Variants in ZFHX3 observed in about 807,000 individuals in gnomAD.
ZFHX3 encodes the protein zinc finger homeobox 3, also known as zinc finger homeobox protein 3.
In ZFHX3, 42 loss-of-function variants were observed where a neutral mutation model predicts 279.1. The ratio of observed to expected loss-of-function variants is 0.15; its 90% CI spans 0.12 to 0.19. The LOEUF (loss-of-function observed/expected upper bound fraction) is 0.19. ZFHX3 is among the 10% of genes least tolerant of loss of function. The pLI, the probability that ZFHX3 is intolerant of heterozygous loss-of-function variation, is 1.00. For synonymous variants in ZFHX3, 2,293 were observed against 1,957.8 expected (o/e 1.17, Z -4.52); for missense variants, 4,981 against 4,754.0 (o/e 1.05, Z -1.40).
intron 4 of ZFHX3, among the ~76,000 whole-genome samples, chr16:72,848,737 C>T (rs1039412242): frequency 8.6e-5 from 13 of 151,592 alleles, no homozygotes; most frequent in African/African-American, 3.2e-4. Flanking sequence ...CATGCCTCCT[C>T]ATCTCCCCAT....
intron 4 of ZFHX3, among the ~76,000 whole-genome samples, chr16:73,289,664 C>T (rs988735187): frequency 6.6e-6 from 1 of 152,010 alleles, no homozygotes; most frequent in East Asian, 1.9e-4. Context: ...CTAGTACACC[C>T]GCTCTGCAAA....
chr16:73,042,269 C>A (rs941833317), intron 1 of ZFHX3, among the ~76,000 whole-genome samples: 2 of 152,146 alleles, frequency 1.3e-5, no homozygotes, highest in South Asian at 2.1e-4. Context: ...CTGCCTCCTG[C>A]CTCTCCACTA....
intron 4 of ZFHX3, among the ~76,000 whole-genome samples, chr16:73,259,253 T>C (rs2013748936): frequency 6.6e-6 from 1 of 152,212 alleles, no homozygotes; most frequent in South Asian, 2.1e-4. Flanking sequence ...CTTTATTAGA[T>C]ATTGCTAAAT....
At chr16:73,297,744 C>A (rs1234077852) in intron 4 of ZFHX3, among the ~76,000 whole-genome samples, 2 of 151,940 alleles carry the variant, frequency 1.3e-5, no homozygotes, top group Non-Finnish European at 2.9e-5. Context: ...ATTACGTGAC[C>A]TTGGGCAAGT....
At chr16:72,798,757 G>T in intron 8 of ZFHX3, 43 bp from the exon 9 acceptor site, 1 of 1,508,056 alleles carries the variant, frequency 6.6e-7, no homozygotes, top group African/African-American at 1.4e-5. Flanking sequence ...GATAAAGAAG[G>T]CTTTGTTTCA....
At chr16:73,253,826 C>T (rs1459843923) in intron 5 of ZFHX3, among the ~76,000 whole-genome samples, 1 of 152,016 alleles carries the variant, frequency 6.6e-6, no homozygotes, top group Non-Finnish European at 1.5e-5. Context: ...GTGGATGTCA[C>T]TCTGGTTTGG....
intron 2 of ZFHX3, among the ~76,000 whole-genome samples, chr16:73,595,025 C>T (rs1037537201): frequency 6.6e-6 from 1 of 152,140 alleles, no homozygotes; most frequent in African/African-American, 2.4e-5. Flanking sequence ...AACATGGTCC[C>T]TTGAGGATGA....
At chr16:73,220,544 T>TA (rs1449069783) in intron 5 of ZFHX3, among the ~76,000 whole-genome samples, 1 of 152,176 alleles carries the variant, frequency 6.6e-6, no homozygotes, top group Non-Finnish European at 1.5e-5. Flanking sequence ...GTGTGCACCC[T>TA]AAAACTCCAA....
chr16:73,494,408 T>A (rs550172319), intron 2 of ZFHX3, among the ~76,000 whole-genome samples: 1 of 152,168 alleles, frequency 6.6e-6, no homozygotes, highest in African/African-American at 2.4e-5. Flanking sequence ...CGAGGTCTAT[T>A]TTCTAGGTTG....
At chr16:73,400,017 C>T (rs985488136) in intron 3 of ZFHX3, 2 of 151,744 alleles carry the variant, frequency 1.3e-5, no homozygotes, top group Non-Finnish European at 2.9e-5. Flanking sequence ...CACGAGCTAT[C>T]CTGAGCGAGG....
At chr16:73,291,802 A>T (rs1054516233) in intron 4 of ZFHX3, among the ~76,000 whole-genome samples, 8 of 152,166 alleles carry the variant, frequency 5.3e-5, no homozygotes, top group African/African-American at 1.7e-4. Flanking sequence ...TACATGAGAG[A>T]TCTATATAAA....
chr16:72,856,920 C>T (rs781142792), intron 4 of ZFHX3, among the ~76,000 whole-genome samples: 8 of 152,206 alleles, frequency 5.3e-5, no homozygotes, highest in Non-Finnish European at 7.3e-5. Context: ...CAAAAGTACA[C>T]AGACCTCAAA....
At chr16:73,573,546 T>A (rs1402232823) in intron 2 of ZFHX3, among the ~76,000 whole-genome samples, 1 of 152,262 alleles carries the variant, frequency 6.6e-6, no homozygotes, top group Admixed American at 6.5e-5. Flanking sequence ...TGTAGTTGCA[T>A]TGGACTCAAA....
chr16:73,774,848 C>T (rs946671413), intron 1 of ZFHX3, among the ~76,000 whole-genome samples: 5 of 152,270 alleles, frequency 3.3e-5, no homozygotes, highest in Middle Eastern at 3.4e-3. Context: ...GGACTTATTT[C>T]GAGACCTGAA....
chr16:73,701,911 T>C (rs1428099903), intron 1 of ZFHX3, among the ~76,000 whole-genome samples: 2 of 152,006 alleles, frequency 1.3e-5, no homozygotes, highest in Non-Finnish European at 2.9e-5. Flanking sequence ...ATGTGGGCGA[T>C]TTCTATCACT....
intron 2 of ZFHX3, among the ~76,000 whole-genome samples, chr16:73,610,348 G>A (rs921405944): frequency 6.6e-6 from 1 of 152,076 alleles, no homozygotes; most frequent in African/African-American, 2.4e-5. Flanking sequence ...TTTGCTTTCC[G>A]GGTGTTGTGT....
intron 1 of ZFHX3, among the ~76,000 whole-genome samples, chr16:73,792,862 C>A (rs1033359641): frequency 6.8e-6 from 1 of 146,824 alleles, no homozygotes; most frequent in Non-Finnish European, 1.5e-5. Flanking sequence ...GTGCACCCCC[C>A]CCCTCCCCTC....
At chr16:72,895,322 C>G (rs551574199) in intron 3 of ZFHX3, among the ~76,000 whole-genome samples, 1 of 152,280 alleles carries the variant, frequency 6.6e-6, no homozygotes, top group East Asian at 1.9e-4. Flanking sequence ...GGCCTCCTAG[C>G]TAACTCAAGA....
chr16:73,491,239 G>T (rs1189868698), intron 2 of ZFHX3, among the ~76,000 whole-genome samples: 1 of 152,150 alleles, frequency 6.6e-6, no homozygotes, highest in Non-Finnish European at 1.5e-5. Context: ...TATGGCCTTG[G>T]CTGTTATTGT....
Sources: allele counts gnomAD v4.1 joint callset (sites outside exome capture counted in the v4.1 genomes callset), GRCh38; gene constraint gnomAD v4.1.1; transcripts MANE v1.5; gene names NCBI Gene and HGNC (gene_info 2026-07-23, HGNC 2026-07-21).